Variants in KLHDC10 observed in about 807,000 individuals in gnomAD.
KLHDC10 encodes the protein kelch domain containing 10.
Under a neutral mutation model 56.1 loss-of-function variants are expected in KLHDC10, and 24 were observed. That is an observed-to-expected ratio of 0.43 (90% CI 0.31 to 0.60). The LOEUF (loss-of-function observed/expected upper bound fraction) is 0.60, where lower values mean the gene tolerates loss of function less well. KLHDC10 is among the 20% of genes least tolerant of loss of function. The probability of loss-of-function intolerance (pLI) is 0.11; values close to 1 mark genes in which losing one functional copy is unlikely to be tolerated. For missense variants in KLHDC10, 349 were observed against 567.0 expected, an observed-to-expected ratio of 0.62 and a Z score of 3.91; for synonymous variants, 188 against 207.1, an observed-to-expected ratio of 0.91 and a Z score of 0.79.
At position 130,130,504 on chromosome 7, in the gene KLHDC10, C is replaced by T. The variant is rs372293398; in HGVS notation, c.1120-33C>T. On this transcript the variant is annotated intron_variant, in intron 9 of 9. Coordinates refer to ENST00000335420, the MANE Select transcript of KLHDC10 (RefSeq NM_014997.4). The surrounding 1 kb of genome is among the most constrained non-coding windows in gnomAD (Gnocchi z 4.2). The stretch of plus-strand genomic sequence containing the variant: ...TCTTCAGCCTTGTATGTTTCTCTCC[C>T]GTTTGAATTTGTCCTCTTTTGACTA... The T allele has an allele frequency of 3.0e-5, 46 of 1,553,932 alleles. No individual in the cohort carries two copies. Among genetic ancestry groups the T allele is most frequent in the East Asian group, 9.0e-5 (4 of 44,466 alleles).
At chr7:130,101,654 G>A (rs1021286929) in intron 2 of KLHDC10, among the ~76,000 whole-genome samples, 1 of 152,156 alleles carries the variant, frequency 6.6e-6, no homozygotes, top group Non-Finnish European at 1.5e-5. Flanking sequence ...GGATTGGGCA[G>A]GCATTGCGAG....
intron 2 of KLHDC10, among the ~76,000 whole-genome samples, chr7:130,103,418 C>CAA (rs57094210): frequency 0.016 from 1,481 of 92,682 alleles, 25 homozygotes; most frequent in African/African-American, 0.045. Flanking sequence ...GAGCAAGACT[C>CAA]AAAAAAAAAA....
At chr7:130,090,430 A>G (rs1423719986) in intron 1 of KLHDC10, among the ~76,000 whole-genome samples, 2 of 152,048 alleles carry the variant, frequency 1.3e-5, no homozygotes, top group African/African-American at 4.8e-5. Context: ...TCTACAAAAA[A>G]TACAAAAATT....
At chr7:130,121,122 T>G (rs778287380) in intron 4 of KLHDC10, among the ~76,000 whole-genome samples, 2 of 151,976 alleles carry the variant, frequency 1.3e-5, no homozygotes, top group Non-Finnish European at 2.9e-5. Context: ...TTTTTTTCAC[T>G]TTCTGTTTCT....
At chr7:130,103,489 G>T (rs1182973254) in intron 2 of KLHDC10, among the ~76,000 whole-genome samples, 2 of 150,838 alleles carry the variant, frequency 1.3e-5, no homozygotes, top group Non-Finnish European at 2.9e-5. Context: ...GGACCAAACA[G>T]GAAAAAATGC....
At chr7:130,128,586 T>C (rs1796343956) in intron 8 of KLHDC10, among the ~76,000 whole-genome samples, 1 of 152,100 alleles carries the variant, frequency 6.6e-6, no homozygotes, top group Non-Finnish European at 1.5e-5. Flanking sequence ...AAACTGAACA[T>C]TGCAGTGAAG....
intron 2 of KLHDC10, among the ~76,000 whole-genome samples, chr7:130,108,270 GAC>G (rs1195574437): frequency 2.0e-5 from 3 of 151,692 alleles, no homozygotes; most frequent in Non-Finnish European, 2.9e-5. Context: ...CATCAAAAAA[GAC>G]AAGAATAAAT....
Position 130,070,734 on chromosome 7 carries a change from A to C in KLHDC10, c.91A>C (p.Ser31Arg), listed in dbSNP as rs3734929. The change falls in exon 1 of 10, where the codon AGT (serine) becomes CGT (arginine). Residue 31 changes from serine (S) to arginine (R), a missense_variant. Coordinates refer to ENST00000335420, the MANE Select transcript of KLHDC10 (RefSeq NM_014997.4). ...GGGGSGAGGG[S>R]GGSGGRGTGQ... ...CGGAGGTAGCGGGGCCGGCGGGGGC[A>C]GTGGGGGCAGCGGGGGTCGGGGGAC... is the stretch of plus-strand genomic sequence containing the variant. 47 of 655,238 alleles carry C rather than the reference A, an allele frequency of 7.2e-5. No individual in the cohort carries two copies. The East Asian group carries it at 1.7e-3, about 24-fold the overall frequency. The allele number at this position is 655,238 out of a possible 1,614,324, so 40.6% of individuals were successfully genotyped here.
At chr7:130,103,487 C>G (rs1795964289) in intron 2 of KLHDC10, among the ~76,000 whole-genome samples, 1 of 149,908 alleles carries the variant, frequency 6.7e-6, no homozygotes, top group Admixed American at 6.6e-5. Context: ...AAGGACCAAA[C>G]AGGAAAAAAT....
chr7:130,078,980 A>G (rs1219736031), intron 1 of KLHDC10, among the ~76,000 whole-genome samples: 1 of 152,146 alleles, frequency 6.6e-6, no homozygotes. Flanking sequence ...CTGGCTTTAG[A>G]TTGAAGCGTA....
chr7:130,078,720 G>A (rs1479331334), intron 1 of KLHDC10, among the ~76,000 whole-genome samples: 73 of 152,108 alleles, frequency 4.8e-4, no homozygotes, highest in South Asian at 2.1e-4. Flanking sequence ...GGGTTTCACC[G>A]TGTTAGCCAG....
rs1293148290 is a variant in KLHDC10 at position 130,070,582 on chromosome 7, C to T, written c.-62C>T. On this transcript the variant is annotated 5_prime_UTR_variant, in exon 1 of 10. Coordinates refer to ENST00000335420, the MANE Select transcript of KLHDC10 (RefSeq NM_014997.4). ...TCTCTGGAGGAGCCCAGGAAGGAGG[C>T]TCCGCTGGTTCCGCTGGGTCAGGCG... 1.6e-6 allele frequency: 2 copies of T among 1,275,020 alleles called. No individual in the cohort carries two copies. Among genetic ancestry groups the T allele is most frequent in the African/African-American group, 1.5e-5 (1 of 66,016 alleles). 79.0% of individuals were successfully genotyped at this position (1,275,020 alleles called of 1,614,324 possible).
At chr7:130,113,967 T>G (rs575592435) in intron 2 of KLHDC10, among the ~76,000 whole-genome samples, 19 of 152,342 alleles carry the variant, frequency 1.2e-4, no homozygotes, top group Middle Eastern at 6.8e-3. Flanking sequence ...AAGAAGCATT[T>G]GTGCCTTGAG....
At chr7:130,128,889 A>AAAAAAAAAAATATATATAT in intron 8 of KLHDC10, among the ~76,000 whole-genome samples, 8 of 66,954 alleles carry the variant, frequency 1.2e-4, no homozygotes, top group African/African-American at 3.7e-4. Flanking sequence ...AAAAAAAAAA[A>AAAAAAAAAAATATATATAT]ATATATATAT....
At chr7:130,077,642 G>A (rs1795532483) in intron 1 of KLHDC10, among the ~76,000 whole-genome samples, 1 of 139,168 alleles carries the variant, frequency 7.2e-6, no homozygotes, top group South Asian at 2.4e-4. Context: ...TGCAAGCTCC[G>A]CCTCCCGGGT....
At position 130,121,128 on chromosome 7, in the gene KLHDC10, T is replaced by C. The variant is rs77679076; in HGVS notation, c.630+225T>C. On this transcript the variant is annotated intron_variant, in intron 4 of 9. Coordinates refer to ENST00000335420, the MANE Select transcript of KLHDC10 (RefSeq NM_014997.4). ...TCTTTTCTTTTTTTTTCACTTTCTG[T>C]TTCTAATTCAATTTAGGTCAGGATG... is the stretch of plus-strand genomic sequence containing the variant. Among the ~76,000 whole-genome samples the C allele has an allele frequency of 2.6e-5, 4 of 152,210 alleles. No individual in the cohort carries two copies. In the East Asian group the frequency reaches 7.7e-4, roughly 29 times the overall value.
chr7:130,108,905 T>C (rs1455246252), intron 2 of KLHDC10, among the ~76,000 whole-genome samples: 1 of 152,112 alleles, frequency 6.6e-6, no homozygotes, highest in African/African-American at 2.4e-5. Context: ...ATTGCAGACA[T>C]GATGTCTTGC....
At chr7:130,073,293 CTTTT>C (rs768140763) in intron 1 of KLHDC10, among the ~76,000 whole-genome samples, 5 of 122,924 alleles carry the variant, frequency 4.1e-5, no homozygotes, top group Non-Finnish European at 6.8e-5. Context: ...TCCTATTTGT[CTTTT>C]TTTTTTTTTT....
At position 130,103,022 on chromosome 7, in the gene KLHDC10, A is replaced by G. The variant is rs1164588456; in HGVS notation, c.253+6015A>G. Among the ~76,000 whole-genome samples, 3 of 152,238 alleles carry G rather than the reference A, an allele frequency of 2.0e-5. No homozygotes were observed. The East Asian group carries it at 5.8e-4, about 29-fold the overall frequency. The stretch of plus-strand genomic sequence containing the variant: ...GACTATAAAGAAGACCTACAGATAG[A>G]AAGTACATGAGGAAAATTCATCCTT... On this transcript the variant is annotated intron_variant, in intron 2 of 9. Transcript: ENST00000335420.
Sources: allele counts gnomAD v4.1 joint callset (sites outside exome capture counted in the v4.1 genomes callset), GRCh38; gene constraint gnomAD v4.1.1; non-coding constraint Gnocchi (gnomAD v3.1); transcripts MANE v1.5; gene names NCBI Gene and HGNC (gene_info 2026-07-23, HGNC 2026-07-21).